BRINP3: variants seen among roughly 807,000 people sequenced by gnomAD.
BRINP3 encodes the protein BMP/retinoic acid-inducible neural-specific protein 3.
Under a neutral mutation model 71.0 loss-of-function variants are expected in BRINP3, and 19 were observed. That is an observed-to-expected ratio of 0.27 (90% CI 0.19 to 0.39). The LOEUF (loss-of-function observed/expected upper bound fraction) is 0.39, where lower values mean the gene tolerates loss of function less well. Ranked by LOEUF, BRINP3 falls within the 10% of genes least tolerant of loss-of-function variation. BRINP3 has a pLI of 1.00. For synonymous variants in BRINP3, 380 were observed against 337.7 expected (o/e 1.13, Z -1.37); for missense variants, 959 against 940.8 (o/e 1.02, Z -0.25).
At chr1:190,238,281 A>G (rs1658717184) in intron 4 of BRINP3, among the ~76,000 whole-genome samples, 1 of 152,006 alleles carries the variant, frequency 6.6e-6, no homozygotes, top group Non-Finnish European at 1.5e-5. Context: ...CTTAACATTT[A>G]ATATAAGAAT....
At chr1:190,196,667 T>G (rs1240398233) in intron 6 of BRINP3, among the ~76,000 whole-genome samples, 1 of 152,098 alleles carries the variant, frequency 6.6e-6, no homozygotes, top group Non-Finnish European at 1.5e-5. Context: ...GGTTTTTTTT[T>G]GTTTGTTTCT....
intron 2 of BRINP3, among the ~76,000 whole-genome samples, chr1:190,293,307 T>G (rs186447939): frequency 2.1e-4 from 32 of 152,282 alleles, no homozygotes; most frequent in Middle Eastern, 3.4e-3. Context: ...TGTTGTTTTA[T>G]TCCCATGTAT....
At chr1:190,293,563 A>G (rs1041969956) in intron 2 of BRINP3, among the ~76,000 whole-genome samples, 1 of 152,080 alleles carries the variant, frequency 6.6e-6, no homozygotes, top group African/African-American at 2.4e-5. Context: ...TTTAACTTTG[A>G]TGTTTCCTTG....
chr1:190,380,175 A>T (rs1436090935), intron 2 of BRINP3, among the ~76,000 whole-genome samples: 2 of 152,100 alleles, frequency 1.3e-5, no homozygotes, highest in Non-Finnish European at 2.9e-5. Context: ...GATATCTTAA[A>T]CTAAGTTTGG....
chr1:190,213,273 C>T (rs991746745), intron 6 of BRINP3, among the ~76,000 whole-genome samples: 2 of 152,016 alleles, frequency 1.3e-5, no homozygotes, highest in Non-Finnish European at 2.9e-5. Flanking sequence ...ATGGCTGCAC[C>T]GTGAGCCCCC....
At chr1:190,127,863 C>A (rs1198506719) in intron 7 of BRINP3, among the ~76,000 whole-genome samples, 1 of 151,692 alleles carries the variant, frequency 6.6e-6, no homozygotes, top group Non-Finnish European at 1.5e-5. Flanking sequence ...CATGTTACAT[C>A]GCTGAAAACC....
intron 3 of BRINP3, among the ~76,000 whole-genome samples, chr1:190,268,711 A>C (rs1238161240): frequency 6.6e-6 from 1 of 152,146 alleles, no homozygotes; most frequent in African/African-American, 2.4e-5. Flanking sequence ...AGTAAGGTAC[A>C]AGCAAATAAT....
chr1:190,369,104 C>G (rs1669693469), intron 2 of BRINP3, among the ~76,000 whole-genome samples: 1 of 152,136 alleles, frequency 6.6e-6, no homozygotes, highest in Admixed American at 6.6e-5. Flanking sequence ...ACAGCTAAAC[C>G]ATATCATCCA....
intron 1 of BRINP3, among the ~76,000 whole-genome samples, chr1:190,472,443 A>T (rs1286559412): frequency 6.6e-6 from 1 of 151,764 alleles, no homozygotes; most frequent in African/African-American, 2.4e-5. Flanking sequence ...ATATTTTTCA[A>T]GAAAAAATAT....
chr1:190,162,573 G>T (rs1459422083), intron 6 of BRINP3, among the ~76,000 whole-genome samples: 1 of 152,136 alleles, frequency 6.6e-6, no homozygotes, highest in African/African-American at 2.4e-5. Flanking sequence ...TTACATAGCA[G>T]ATGCCACTAT....
chr1:190,173,012 T>C (rs1056510423), intron 6 of BRINP3, among the ~76,000 whole-genome samples: 3 of 152,208 alleles, frequency 2.0e-5, no homozygotes, highest in Non-Finnish European at 4.4e-5. Flanking sequence ...CAGTTCTCTT[T>C]CTACCTTCTT....
chr1:190,405,464 A>G (rs1672210146), intron 2 of BRINP3, among the ~76,000 whole-genome samples: 1 of 97,184 alleles, frequency 1.0e-5, no homozygotes, highest in Non-Finnish European at 2.0e-5. Flanking sequence ...AAAAAAAAAA[A>G]AAAAAAAAAA....
chr1:190,277,961 GT>G (rs1401475659), intron 3 of BRINP3, among the ~76,000 whole-genome samples: 1 of 151,528 alleles, frequency 6.6e-6, no homozygotes, highest in Non-Finnish European at 1.5e-5. Context: ...ATTGAAGAAT[GT>G]TTTTTATAAT....
At chr1:190,405,474 A>C (rs1672213893) in intron 2 of BRINP3, among the ~76,000 whole-genome samples, 5 of 94,684 alleles carry the variant, frequency 5.3e-5, no homozygotes, top group African/African-American at 9.6e-5. Context: ...AAAAAAAAAA[A>C]AAAAAAAAAA....
At chr1:190,198,426 T>C (rs1041600236) in intron 6 of BRINP3, among the ~76,000 whole-genome samples, 1 of 152,230 alleles carries the variant, frequency 6.6e-6, no homozygotes, top group Non-Finnish European at 1.5e-5. Flanking sequence ...TGAACTTTTA[T>C]GCTCTGCTTT....
intron 2 of BRINP3, among the ~76,000 whole-genome samples, chr1:190,330,688 C>A (rs1022732669): frequency 6.6e-6 from 1 of 152,046 alleles, no homozygotes; most frequent in Non-Finnish European, 1.5e-5. Flanking sequence ...CTCACATGTT[C>A]ATTGTCCCAC....
intron 6 of BRINP3, among the ~76,000 whole-genome samples, chr1:190,173,691 T>G (rs1571908009): frequency 6.6e-6 from 1 of 152,338 alleles, no homozygotes; most frequent in East Asian, 1.9e-4. Context: ...TGTAAGCATG[T>G]ATGATATTAA....
chr1:190,411,337 T>C (rs144344798), intron 2 of BRINP3, among the ~76,000 whole-genome samples: 2 of 152,160 alleles, frequency 1.3e-5, no homozygotes, highest in Non-Finnish European at 2.9e-5. Context: ...AAGTAAAGCT[T>C]TTAGAAGATA....
chr1:190,133,967 C>CA (rs1031093739), intron 7 of BRINP3, among the ~76,000 whole-genome samples: 1 of 151,960 alleles, frequency 6.6e-6, no homozygotes, highest in Non-Finnish European at 1.5e-5. Flanking sequence ...GCAAAACAAA[C>CA]AAAAAACCCC....
Sources: gnomAD v4.1 joint callset for allele counts (sites outside exome capture counted in the v4.1 genomes callset) on GRCh38, gnomAD v4.1.1 for gene constraint, MANE v1.5 for transcripts, NCBI Gene and HGNC (gene_info 2026-07-23, HGNC 2026-07-21) for gene names.